The following KCNH7 variants were observed in gnomAD, a reference collection of about 807,000 sequenced individuals.
KCNH7 encodes voltage-gated inwardly rectifying potassium channel KCNH7.
Under a neutral mutation model 120.8 loss-of-function variants are expected in KCNH7, and 49 were observed. The ratio of observed to expected loss-of-function variants is 0.41; its 90% CI spans 0.32 to 0.51. The LOEUF (loss-of-function observed/expected upper bound fraction) is 0.51. Ranked by LOEUF, KCNH7 falls within the 20% of genes least tolerant of loss-of-function variation. The pLI is 0.38. For synonymous variants in KCNH7, 547 were observed against 516.1 expected (o/e 1.06, Z -0.81); for missense variants, 1,097 against 1,446.6 (o/e 0.76, Z 3.92).
chr2:162,498,492 G>C (rs952229590), intron 6 of KCNH7, among the ~76,000 whole-genome samples: 3 of 147,926 alleles, frequency 2.0e-5, no homozygotes, highest in Non-Finnish European at 3.0e-5. Context: ...CTGTGTGTGT[G>C]GGGGGGAGGG....
intron 8 of KCNH7, among the ~76,000 whole-genome samples, chr2:162,430,665 GT>G (rs1558940950): frequency 6.6e-6 from 1 of 151,622 alleles, no homozygotes; most frequent in African/African-American, 2.4e-5. Context: ...TATATATTTT[GT>G]TCAGTTTTCT....
At chr2:162,434,927 A>G (rs566782666) in intron 8 of KCNH7, among the ~76,000 whole-genome samples, 2 of 152,198 alleles carry the variant, frequency 1.3e-5, no homozygotes, top group East Asian at 3.9e-4. Context: ...TACTCTTTGT[A>G]TAGCAGTAAA....
At chr2:162,747,493 T>C (rs1011679653) in intron 2 of KCNH7, among the ~76,000 whole-genome samples, 5 of 152,178 alleles carry the variant, frequency 3.3e-5, no homozygotes, top group Non-Finnish European at 5.9e-5. Context: ...GTTGATGTGT[T>C]TAAAAAGTGT....
At position 162,396,813 on chromosome 2, in the gene KCNH7, A is replaced by T. The variant is rs139707486; in HGVS notation, c.2540T>A (p.Met847Lys). The change falls in exon 11 of 16, where the codon ATG (methionine) becomes AAG (lysine). Residue 847 changes from methionine (M) to lysine (K), a missense_variant. Met to Lys is a moderately conservative substitution (Grantham distance 95). Coordinates refer to ENST00000332142, the MANE Select transcript of KCNH7 (RefSeq NM_033272.4). ...QREDLLEVLD[M>K]YPEFSDHFLT... ...AAAGTGATCAGAAAACTCAGGATACATATCCAAAACCTCTAACAAGTCTTC... is the reference window on the plus strand; with the variant it reads ...AAAGTGATCAGAAAACTCAGGATACTTATCCAAAACCTCTAACAAGTCTTC... The T allele has an allele frequency of 3.3e-5, 53 of 1,611,834 alleles. No homozygotes were observed. Among genetic ancestry groups the T allele is most frequent in the Non-Finnish European group, 4.2e-5 (50 of 1,178,794 alleles).
At chr2:162,438,396 A>G (rs1348398763) in intron 7 of KCNH7, among the ~76,000 whole-genome samples, 1 of 152,182 alleles carries the variant, frequency 6.6e-6, no homozygotes, top group Non-Finnish European at 1.5e-5. Flanking sequence ...CTAAGCAGAT[A>G]AATCAATATA....
chr2:162,773,589 ACT>A (rs71958558), intron 2 of KCNH7, among the ~76,000 whole-genome samples: 20,362 of 152,100 alleles, frequency 0.13, 2,061 homozygotes, highest in East Asian at 0.27. Context: ...TTAACTTATG[ACT>A]CACAAAATGA....
intron 6 of KCNH7, among the ~76,000 whole-genome samples, chr2:162,501,576 T>C (rs1393575688): frequency 6.6e-6 from 1 of 152,068 alleles, no homozygotes; most frequent in Non-Finnish European, 1.5e-5. Flanking sequence ...AAATGTATTG[T>C]CCACAGTTAT....
intron 2 of KCNH7, among the ~76,000 whole-genome samples, chr2:162,658,565 G>A (rs751186499): frequency 6.6e-6 from 1 of 152,022 alleles, no homozygotes; most frequent in African/African-American, 2.4e-5. Flanking sequence ...AGATTGTGCT[G>A]GTTTCACAGA....
chr2:162,571,738 G>A (rs1693483776), intron 2 of KCNH7, among the ~76,000 whole-genome samples: 2 of 127,970 alleles, frequency 1.6e-5, no homozygotes, highest in African/African-American at 3.2e-5. Flanking sequence ...CAGAAATAAC[G>A]CCACTTATCT....
intron 2 of KCNH7, among the ~76,000 whole-genome samples, chr2:162,734,200 A>T (rs544658554): frequency 3.9e-5 from 6 of 152,110 alleles, no homozygotes; most frequent in African/African-American, 1.4e-4. Flanking sequence ...TTCCTTCATG[A>T]ATCTGGGATA....
chr2:162,498,484 G>T (rs544768581), intron 6 of KCNH7, among the ~76,000 whole-genome samples: 6 of 142,574 alleles, frequency 4.2e-5, no homozygotes, highest in African/African-American at 1.6e-4. Context: ...TGTGGACTCT[G>T]TGTGTGTGGG....
intron 2 of KCNH7, among the ~76,000 whole-genome samples, chr2:162,552,377 G>T (rs942063061): frequency 1.2e-4 from 18 of 152,134 alleles, no homozygotes; most frequent in Non-Finnish European, 2.1e-4. Flanking sequence ...ATTGGATAGA[G>T]TTTTACAAAG....
intron 6 of KCNH7, among the ~76,000 whole-genome samples, chr2:162,462,745 T>C (rs138373460): frequency 1.3e-4 from 20 of 152,164 alleles, no homozygotes; most frequent in African/African-American, 4.8e-4. Context: ...GTGTATGGTC[T>C]GCAAATTCTC....
chr2:162,404,168 G>A (rs974043871), intron 9 of KCNH7, among the ~76,000 whole-genome samples: 7 of 151,826 alleles, frequency 4.6e-5, no homozygotes, highest in African/African-American at 1.7e-4. Flanking sequence ...ATGCTGATTT[G>A]GTGATTGTTA....
chr2:162,379,669 T>G (rs929339011), intron 14 of KCNH7, among the ~76,000 whole-genome samples, 184 bp downstream of exon 14: 2 of 152,072 alleles, frequency 1.3e-5, no homozygotes, highest in African/African-American at 4.8e-5. Flanking sequence ...AAGTATGAAG[T>G]GTTCTAAATA....
At chr2:162,439,464 T>C (rs746413023) in intron 7 of KCNH7, among the ~76,000 whole-genome samples, 2 of 152,152 alleles carry the variant, frequency 1.3e-5, no homozygotes, top group Non-Finnish European at 1.5e-5. Flanking sequence ...AAAGGGGACA[T>C]AATGAACTCT....
intron 5 of KCNH7, among the ~76,000 whole-genome samples, chr2:162,507,523 C>T (rs1690921401): frequency 6.6e-6 from 1 of 151,574 alleles, no homozygotes; most frequent in Non-Finnish European, 1.5e-5. Context: ...TCTATAATGT[C>T]TCAATTGCCA....
At chr2:162,777,609 T>C (rs557888899) in intron 2 of KCNH7, among the ~76,000 whole-genome samples, 1 of 152,268 alleles carries the variant, frequency 6.6e-6, no homozygotes, top group African/African-American at 2.4e-5. Flanking sequence ...GCTTTACATA[T>C]ACTCACTGTA....
chr2:162,602,407 A>G (rs1461781230), intron 2 of KCNH7, among the ~76,000 whole-genome samples: 1 of 152,086 alleles, frequency 6.6e-6, no homozygotes, highest in African/African-American at 2.4e-5. Context: ...CTAAATATTA[A>G]GTTCTCTCCA....
Sources: allele counts gnomAD v4.1 joint callset (sites outside exome capture counted in the v4.1 genomes callset), GRCh38; gene constraint gnomAD v4.1.1; transcripts MANE v1.5; gene names NCBI Gene and HGNC (gene_info 2026-07-23, HGNC 2026-07-21).